The following ABCB10 variants were observed in gnomAD, a reference collection of about 807,000 sequenced individuals.
ABCB10 encodes the protein ATP-binding cassette sub-family B member 10, mitochondrial.
A neutral mutation model predicts 65.4 loss-of-function variants in ABCB10; 54 were observed. The observed-to-expected ratio is 0.83, with a 90% confidence interval of 0.66 to 1.04. The LOEUF (loss-of-function observed/expected upper bound fraction) is 1.04. Among genes scored for constraint, ABCB10 ranks in the 50% least tolerant of loss-of-function variants. ABCB10 has a pLI of 0.00. For missense variants in ABCB10, 846 were observed against 976.6 expected (o/e 0.87, Z 1.78); for synonymous variants, 418 against 406.5 (o/e 1.03, Z -0.34).
rs1389146377 is a variant in ABCB10, at chr1:229,547,406, G to A, written c.921+93C>T. ...GCTCTAGGCACTTACAGAATGATGC[G>A]AACCGCTCAGCTTGAGCTCGTCTCA... On this transcript the variant is annotated intron_variant, in intron 3 of 12. Transcript: ENST00000344517. The A allele has an allele frequency of 7.6e-6, 11 of 1,456,348 alleles. No homozygotes were observed. In the Admixed American group the frequency reaches 9.6e-5, roughly 13 times the overall value. 90.2% of individuals were successfully genotyped at this position (1,456,348 alleles called of 1,614,324 possible). A position where few individuals can be genotyped will look rare whatever the true frequency, so the allele number is the denominator to read the frequency against.
At chr1:229,538,962 C>T (rs12073870) in intron 6 of ABCB10, among the ~76,000 whole-genome samples, 3,177 of 152,274 alleles carry the variant, frequency 0.021, 107 homozygotes, top group African/African-American at 0.073. Context: ...TTAATAAAAG[C>T]AGGCAACTCT....
intron 10 of ABCB10, among the ~76,000 whole-genome samples, chr1:229,524,222 G>A (rs1165894781): frequency 6.6e-6 from 1 of 151,540 alleles, no homozygotes; most frequent in Admixed American, 6.6e-5. Context: ...GTGCAGTGGT[G>A]CGATCCCAGC....
At chr1:229,521,750 G>T in intron 10 of ABCB10, 115 bp from the exon 11 acceptor site, 1 of 950,432 alleles carries the variant, frequency 1.1e-6, no homozygotes, top group Non-Finnish European at 1.6e-6. Flanking sequence ...AGTCATAGCT[G>T]ACACAGATAG....
intron 6 of ABCB10, among the ~76,000 whole-genome samples, chr1:229,537,798 T>C (rs12058042): frequency 0.013 from 1,893 of 150,918 alleles, 40 homozygotes; most frequent in African/African-American, 0.041. Context: ...TCCAAATAAA[T>C]AAACAAACAA....
intron 6 of ABCB10, among the ~76,000 whole-genome samples, chr1:229,537,471 A>G (rs1385648051): frequency 6.6e-6 from 1 of 152,234 alleles, no homozygotes; most frequent in African/African-American, 2.4e-5. Context: ...CGATTCTATA[A>G]AAGTATAAAA....
intron 8 of ABCB10, among the ~76,000 whole-genome samples, chr1:229,529,346 T>C (rs908619726): frequency 4.1e-5 from 3 of 73,966 alleles, no homozygotes; most frequent in African/African-American, 1.6e-4. Context: ...CCCTACTAGG[T>C]CAAAATAGTT....
In ABCB10 at chr1:229,540,759, GAAT is replaced by G. The variant is rs1283683318; in HGVS notation, c.1057-10_1057-8del. The G allele has an allele frequency of 3.7e-6, 6 of 1,610,028 alleles. No homozygotes were observed. The South Asian group carries it at 4.4e-5, about 12-fold the overall frequency. On this transcript the variant is annotated splice_polypyrimidine_tract_variant and splice_region_variant and intron_variant, in intron 4 of 12. Transcript: ENST00000344517. ...CAATACGTTCCTCAGCTAGCTGGGA[GAAT>G]AATAAATACATTTCAGGAGGAGAAG...
intron 1 of ABCB10, among the ~76,000 whole-genome samples, chr1:229,551,217 C>T (rs1452575945): frequency 1.3e-5 from 2 of 152,082 alleles, no homozygotes; most frequent in African/African-American, 4.8e-5. Flanking sequence ...TTGCTCTTGC[C>T]CCTCCTTAAG....
intron 4 of ABCB10, 142 bp downstream of exon 4, chr1:229,542,095 T>C (rs537911900): frequency 2.9e-5 from 33 of 1,141,196 alleles, no homozygotes; most frequent in Non-Finnish European, 3.8e-5. Context: ...TTAAGTTTCA[T>C]GGATCTTGGG....
chr1:229,558,462 G>A lies in ABCB10; in HGVS notation c.191C>T (p.Ala64Val). The change falls in exon 1 of 13, where the codon GCC becomes GTC. Residue 64 changes from alanine to valine, a missense_variant. By Grantham distance (64) the Ala-to-Val change is moderately conservative. This residue lies in a region of ABCB10 where 214 missense variants were observed against 173.5 expected (regional missense o/e 1.23). Transcript: ENST00000344517. Reference protein sequence around the residue: ...AGPALLWGVGAARRWRSGCRG... With the variant: ...AGPALLWGVGVARRWRSGCRG... The stretch of plus-strand genomic sequence containing the variant: ...GCAGCCGCTCCTCCAGCGGCGCGCG[G>A]CTCCAACGCCCCAGAGCAGCGCGGG... 4.1e-6 allele frequency: 5 copies of A among 1,231,446 alleles called. No individual in the cohort carries two copies. The highest frequency in any genetic ancestry group is 3.1e-5 in the South Asian group (1 of 31,944). The allele number at this position is 1,231,446 out of a possible 1,614,324, so 76.3% of individuals were successfully genotyped here. A position where few individuals can be genotyped will look rare whatever the true frequency, so the allele number is the denominator to read the frequency against.
intron 8 of ABCB10, among the ~76,000 whole-genome samples, chr1:229,529,087 C>G (rs61824311): frequency 0.061 from 9,147 of 151,018 alleles, 308 homozygotes; most frequent in African/African-American, 0.1. Flanking sequence ...GTCAGGAGAT[C>G]GAGACCATCC....
intron 11 of ABCB10, among the ~76,000 whole-genome samples, chr1:229,520,470 A>AAAAAAAAG (rs972422298): frequency 1.3e-5 from 2 of 151,878 alleles, no homozygotes; most frequent in African/African-American, 4.8e-5. Context: ...ACTCTGTCTC[A>AAAAAAAAG]AAAAAAAGAA....
At chr1:229,547,095 G>A (rs978416431) in intron 3 of ABCB10, among the ~76,000 whole-genome samples, 31 of 152,242 alleles carry the variant, frequency 2.0e-4, no homozygotes, top group African/African-American at 6.5e-4. Context: ...AAAAGGCCAT[G>A]GGAGTGAAGA....
At chr1:229,556,225 A>C (rs1036818606) in intron 1 of ABCB10, among the ~76,000 whole-genome samples, 4 of 152,180 alleles carry the variant, frequency 2.6e-5, no homozygotes, top group African/African-American at 9.7e-5. Context: ...ATACAAAATT[A>C]GCCGGGTATG....
At position 229,526,017 on chromosome 1, in the gene ABCB10, C is replaced by T. The variant is rs898786706; in HGVS notation, c.1825G>A (p.Val609Met). ...TAEEIQRVAEVANAVAFIRNF... is the reference protein window; with the variant it reads ...TAEEIQRVAEMANAVAFIRNF... ...CGGATGAAGGCCACTGCATTGGCCA[C>T]TTCAGCCACTCTCTGGATTTCCTCA... Residue 609 changes from valine to methionine, a missense_variant, in exon 10 of 13, where the codon GTG (valine) becomes ATG (methionine). This residue lies in a region of ABCB10 where 632 missense variants were observed against 803.2 expected (regional missense o/e 0.79). Transcript: ENST00000344517. 6 of 1,614,100 alleles carry T rather than the reference C, an allele frequency of 3.7e-6. No homozygotes were observed. Among genetic ancestry groups the T allele is most frequent in the Non-Finnish European group, 2.5e-6 (3 of 1,180,058 alleles).
Position 229,549,314 on chromosome 1 carries a change from C to T in ABCB10, c.638G>A (p.Arg213His), listed in dbSNP as rs199764924. ...PTVDYSDNLTRLCLGLSAVFL... is the reference protein window; with the variant it reads ...PTVDYSDNLTHLCLGLSAVFL... ...CACGGCACTGAGCCCTAGGCAGAGGCGGGTCAGGTTGTCGCTGTAGTCCAC... is the reference window on the plus strand; with the variant it reads ...CACGGCACTGAGCCCTAGGCAGAGGTGGGTCAGGTTGTCGCTGTAGTCCAC... Residue 213 changes from arginine (R) to histidine (H), a missense_variant, in exon 2 of 13, where the codon CGC becomes CAC. Physicochemically the swap from Arg to His is conservative, Grantham distance 29. This residue lies in a region of ABCB10 where 632 missense variants were observed against 803.2 expected (regional missense o/e 0.79). Transcript: ENST00000344517. 3.8e-5 allele frequency: 62 copies of T among 1,614,028 alleles called. No homozygotes were observed. In the African/African-American group the frequency reaches 4.1e-4, roughly 11 times the overall value.
At chr1:229,557,683 G>T (rs1663290469) in intron 1 of ABCB10, among the ~76,000 whole-genome samples, 1 of 152,050 alleles carries the variant, frequency 6.6e-6, no homozygotes. Context: ...TGAAAGCATT[G>T]GTGACTGCTT....
chr1:229,556,245 GC>G (rs896782281), intron 1 of ABCB10, among the ~76,000 whole-genome samples: 41 of 152,254 alleles, frequency 2.7e-4, no homozygotes, highest in African/African-American at 9.1e-4. Flanking sequence ...GATGGCACAT[GC>G]CTGTAATCCC....
At chr1:229,527,787 C>A (rs1400549357) in intron 8 of ABCB10, among the ~76,000 whole-genome samples, 1 of 152,216 alleles carries the variant, frequency 6.6e-6, no homozygotes, top group Non-Finnish European at 1.5e-5. Context: ...CCAGTGTCAG[C>A]AGCTACCTTG....
Sources: allele counts gnomAD v4.1 joint callset (sites outside exome capture counted in the v4.1 genomes callset), GRCh38; gene constraint gnomAD v4.1.1; regional missense constraint gnomAD v4.1.1; transcripts MANE v1.5; gene names NCBI Gene and HGNC (gene_info 2026-07-23, HGNC 2026-07-21).